The following PDE1C variants were observed in gnomAD, a reference collection of about 807,000 sequenced individuals.
PDE1C encodes the protein dual specificity calcium/calmodulin-dependent 3',5'-cyclic nucleotide phosphodiesterase 1C.
A neutral mutation model predicts 93.1 loss-of-function variants in PDE1C; 62 were observed. The observed-to-expected ratio is 0.67, with a 90% CI of 0.54 to 0.82. The LOEUF (loss-of-function observed/expected upper bound fraction) is 0.82, where lower values mean the gene tolerates loss of function less well. Ranked by LOEUF, PDE1C falls within the 40% of genes least tolerant of loss-of-function variation. The pLI, the probability that PDE1C is intolerant of heterozygous loss-of-function variation, is 0.00. For synonymous variants in PDE1C, 325 were observed against 310.1 expected (o/e 1.05, Z -0.50); for missense variants, 742 against 884.6 (o/e 0.84, Z 2.04).
At chr7:31,829,884 T>G (rs1161049244) in intron 11 of PDE1C, among the ~76,000 whole-genome samples, 1 of 151,448 alleles carries the variant, frequency 6.6e-6, no homozygotes, top group Admixed American at 6.6e-5. Context: ...TTTGGTGGGA[T>G]AGTTCAGCTA....
chr7:31,727,545 T>G, the PDE1C span, among the ~76,000 whole-genome samples: 6 of 152,158 alleles, frequency 3.9e-5, no homozygotes, highest in Non-Finnish European at 5.9e-5. Context: ...AGACAAATAG[T>G]TGGACATTTT....
At chr7:32,192,895 C>A (rs2108858) in intron 2 of PDE1C, among the ~76,000 whole-genome samples, 73,578 of 151,748 alleles carry the variant, frequency 0.48, 18,098 homozygotes, top group Admixed American at 0.58. Flanking sequence ...AGTCTTGTAC[C>A]TACAAGTGTT....
chr7:31,987,900 T>C (rs1326105163), intron 2 of PDE1C, among the ~76,000 whole-genome samples: 1 of 152,206 alleles, frequency 6.6e-6, no homozygotes, highest in Non-Finnish European at 1.5e-5. Context: ...CTACCCTGGA[T>C]CTGTTCTCCA....
At chr7:32,057,183 C>T (rs1794230674) in intron 1 of PDE1C, among the ~76,000 whole-genome samples, 1 of 152,170 alleles carries the variant, frequency 6.6e-6, no homozygotes, top group South Asian at 2.1e-4. Context: ...AAAAACTGAG[C>T]CCAGTGACTT....
intron 2 of PDE1C, among the ~76,000 whole-genome samples, chr7:31,943,955 T>C (rs1226887416): frequency 1.3e-5 from 2 of 152,132 alleles, no homozygotes; most frequent in Non-Finnish European, 2.9e-5. Context: ...AAATTCATAT[T>C]TGTTGACGCC....
intron 2 of PDE1C, among the ~76,000 whole-genome samples, chr7:31,956,111 C>CT (rs67549702): frequency 0.046 from 6,804 of 148,806 alleles, 199 homozygotes; most frequent in African/African-American, 0.087. Context: ...TTTCTCCCCG[C>CT]TTTTTTTTTT....
chr7:31,958,199 G>A (rs559496984), intron 2 of PDE1C, among the ~76,000 whole-genome samples: 16 of 152,296 alleles, frequency 1.1e-4, no homozygotes, highest in Middle Eastern at 3.4e-3. Flanking sequence ...CTCAGTTTCC[G>A]CTTCCAAGCA....
chr7:32,358,315 C>T (rs1015328994), intron 1 of PDE1C, among the ~76,000 whole-genome samples: 16 of 152,162 alleles, frequency 1.1e-4, no homozygotes, highest in African/African-American at 3.9e-4. Flanking sequence ...ATGTTGACTT[C>T]AAAAGACAGA....
intron 2 of PDE1C, among the ~76,000 whole-genome samples, chr7:31,954,701 T>C: frequency 6.6e-6 from 1 of 152,174 alleles, no homozygotes; most frequent in East Asian, 1.9e-4. Flanking sequence ...CATAGGTTGG[T>C]GCAAAAGTGA....
intron 2 of PDE1C, among the ~76,000 whole-genome samples, chr7:32,176,990 A>G (rs1208029447): frequency 6.6e-6 from 1 of 152,260 alleles, no homozygotes; most frequent in East Asian, 1.9e-4. Flanking sequence ...TGCTGAATGA[A>G]TTCATAAATG....
intron 2 of PDE1C, among the ~76,000 whole-genome samples, chr7:31,982,159 G>T (rs187990314): frequency 6.6e-6 from 1 of 152,172 alleles, no homozygotes. Context: ...AGTCAACAGC[G>T]ACCCAGGAAT....
chr7:32,358,679 A>G (rs1485600736), intron 1 of PDE1C, among the ~76,000 whole-genome samples: 1 of 152,166 alleles, frequency 6.6e-6, no homozygotes, highest in Non-Finnish European at 1.5e-5. Flanking sequence ...GGAGTGTTGT[A>G]GTCTTCACCG....
chr7:32,047,978 G>A (rs1563247549), intron 2 of PDE1C, among the ~76,000 whole-genome samples: 1 of 152,172 alleles, frequency 6.6e-6, no homozygotes, highest in Non-Finnish European at 1.5e-5. Flanking sequence ...ACATTGCTGT[G>A]TTTATTCCTA....
upstream of PDE1C, chr7:32,071,335 C>T (rs1796039494): frequency 2.0e-6 from 2 of 985,432 alleles, no homozygotes; most frequent in Non-Finnish European, 2.4e-6. Context: ...GCCTCACTCT[C>T]GCACCCGCCA....
intron 2 of PDE1C, among the ~76,000 whole-genome samples, chr7:31,959,493 C>T (rs139475445): frequency 0.013 from 1,990 of 152,186 alleles, 25 homozygotes; most frequent in Non-Finnish European, 0.021. Context: ...GAATTACAGG[C>T]GTGAGCCACT....
chr7:32,083,367 A>G (rs1796843641), intron 3 of PDE1C, among the ~76,000 whole-genome samples: 2 of 152,074 alleles, frequency 1.3e-5, no homozygotes, highest in African/African-American at 4.8e-5. Context: ...GATCAAACCT[A>G]CGTCTGATTG....
chr7:31,866,037 T>C (rs1452720163), intron 6 of PDE1C, among the ~76,000 whole-genome samples: 1 of 152,182 alleles, frequency 6.6e-6, no homozygotes, highest in African/African-American at 2.4e-5. Flanking sequence ...CTTCCTTTTC[T>C]ATGTAACAGC....
intron 3 of PDE1C, among the ~76,000 whole-genome samples, chr7:32,096,276 T>C (rs1485538532): frequency 6.6e-6 from 1 of 152,168 alleles, no homozygotes; most frequent in Non-Finnish European, 1.5e-5. Context: ...GGCAGTGCAC[T>C]TCAACCAAAG....
intron 2 of PDE1C, among the ~76,000 whole-genome samples, chr7:32,014,311 AT>A (rs201629756): frequency 3.4e-5 from 5 of 147,902 alleles, no homozygotes; most frequent in Admixed American, 2.0e-4. Context: ...AAAAAAAAAA[AT>A]TCTGGTACAA....
Sources: gnomAD v4.1 joint callset for allele counts (sites outside exome capture counted in the v4.1 genomes callset) on GRCh38, gnomAD v4.1.1 for gene constraint, MANE v1.5 for transcripts, NCBI Gene and HGNC (gene_info 2026-07-23, HGNC 2026-07-21) for gene names.